Variants in IFT43 observed in about 807,000 individuals in gnomAD.
The protein encoded by IFT43 is intraflagellar transport 43.
In IFT43, 33 loss-of-function variants were observed where a neutral mutation model predicts 32.3. The observed-to-expected ratio is 1.02, with a 90% CI of 0.77 to 1.37. IFT43 has a LOEUF of 1.37. Ranked by LOEUF, IFT43 falls within the 40% of genes most tolerant of loss-of-function variation. IFT43 has a pLI of 0.00. For missense variants in IFT43, 274 were observed against 265.9 expected (o/e 1.03, Z -0.21); for synonymous variants, 93 against 98.2 (o/e 0.95, Z 0.31).
chr14:76,070,433 G>A (rs1223036721), intron 5 of IFT43, among the ~76,000 whole-genome samples: 5 of 152,186 alleles, frequency 3.3e-5, no homozygotes, highest in Non-Finnish European at 7.3e-5. Context: ...AAACCCTGAT[G>A]GCTCAACTCC....
intron 2 of IFT43, among the ~76,000 whole-genome samples, chr14:75,991,388 AGTGTGTGT>A (rs34624480): frequency 0.025 from 3,577 of 141,960 alleles, 44 homozygotes; most frequent in Non-Finnish European, 0.03. Flanking sequence ...TATTAACAAG[AGTGTGTGT>A]GTGTGTGTGT....
At chr14:75,989,065 T>G in intron 2 of IFT43, 88 bp downstream of exon 2, 1 of 1,491,760 alleles carries the variant, frequency 6.7e-7, no homozygotes, top group Non-Finnish European at 9.2e-7. Context: ...ATTCCATATT[T>G]CTTCTCTTGA....
rs963195284 is a variant in IFT43, at chr14:76,059,537, C to G, written c.295+164C>G. 4 of 697,806 alleles carry G rather than the reference C, an allele frequency of 5.7e-6. No individual in the cohort carries two copies. The African/African-American group carries it at 7.1e-5, about 12-fold the overall frequency. The allele number at this position is 697,806 out of a possible 1,614,324, so 43.2% of individuals were successfully genotyped here. A position where few individuals can be genotyped will look rare whatever the true frequency, so the allele number is the denominator to read the frequency against. ...TTCATGCCTTGCTGAATGCTGCCAC[C>G]TCTACCTGGAGTATCTCTCCCTTCT... On this transcript the variant is annotated intron_variant, in intron 5 of 8. Coordinates refer to ENST00000314067, the MANE Select transcript of IFT43 (RefSeq NM_001102564.3).
At chr14:75,999,372 C>G (rs2035840954) in intron 2 of IFT43, among the ~76,000 whole-genome samples, 1 of 147,180 alleles carries the variant, frequency 6.8e-6, no homozygotes, top group African/African-American at 2.5e-5. Context: ...AAGTGATCCT[C>G]CTACCTCGGG....
intron 2 of IFT43, among the ~76,000 whole-genome samples, chr14:76,012,154 G>C (rs2036097741): frequency 6.6e-6 from 1 of 152,190 alleles, no homozygotes; most frequent in Admixed American, 6.5e-5. Context: ...TTTTGAAACA[G>C]GTTGCAATTT....
intron 3 of IFT43, among the ~76,000 whole-genome samples, chr14:76,030,701 A>T (rs1409858554): frequency 1.3e-5 from 2 of 152,182 alleles, no homozygotes; most frequent in African/African-American, 4.8e-5. Flanking sequence ...AAGGTTCAGG[A>T]TACTGTTTTC....
intron 3 of IFT43, among the ~76,000 whole-genome samples, chr14:76,036,364 T>TGTTC (rs1247059523): frequency 6.6e-6 from 1 of 151,702 alleles, no homozygotes; most frequent in East Asian, 1.9e-4. Flanking sequence ...TTTGTTTGTT[T>TGTTC]GTTCGTTCGT....
At chr14:76,044,612 G>A (rs890327172) in intron 3 of IFT43, among the ~76,000 whole-genome samples, 8 of 152,180 alleles carry the variant, frequency 5.3e-5, no homozygotes, top group Non-Finnish European at 1.0e-4. Context: ...TCAGGGAGTA[G>A]GTTCCCCTGG....
intron 2 of IFT43, among the ~76,000 whole-genome samples, chr14:76,018,865 G>C (rs1275358032): frequency 6.6e-6 from 1 of 151,784 alleles, no homozygotes; most frequent in Non-Finnish European, 1.5e-5. Flanking sequence ...GTTCTTATTT[G>C]CAGGAATTTT....
intron 2 of IFT43, among the ~76,000 whole-genome samples, chr14:75,999,281 ATTTTTTTTTT>A (rs371670856): frequency 1.8e-4 from 7 of 39,064 alleles, no homozygotes; most frequent in African/African-American, 8.4e-4. Context: ...ATGTATATAT[ATTTTTTTTTT>A]TTTTTTTTTA....
intron 3 of IFT43, among the ~76,000 whole-genome samples, chr14:76,027,975 T>G (rs992578034): frequency 1.3e-5 from 2 of 152,144 alleles, no homozygotes; most frequent in Admixed American, 1.3e-4. Context: ...TTGACTATTT[T>G]GAGGAATCCA....
rs1202475221 is a variant in IFT43, at chr14:76,012,039, G to T, written c.148-10288G>T. On this transcript the variant is annotated intron_variant, in intron 2 of 8. Coordinates refer to ENST00000314067, the MANE Select transcript of IFT43 (RefSeq NM_001102564.3). ...TAATGTAAGATTGAATGTGGGAGCTGCATTGCCCCTAGAAGCTGGAAGATG... is the reference window on the plus strand; with the variant it reads ...TAATGTAAGATTGAATGTGGGAGCTTCATTGCCCCTAGAAGCTGGAAGATG... 5.3e-5 allele frequency among the ~76,000 whole-genome samples: 8 copies of T among 152,340 alleles called. No individual in the cohort carries two copies. In the East Asian group the frequency reaches 1.5e-3, roughly 29 times the overall value.
chr14:76,027,460 C>T (rs1041198109), intron 3 of IFT43, among the ~76,000 whole-genome samples: 2 of 152,048 alleles, frequency 1.3e-5, no homozygotes, highest in Non-Finnish European at 2.9e-5. Flanking sequence ...CAGTGGCTCA[C>T]GCACTTTGGG....
intron 5 of IFT43, among the ~76,000 whole-genome samples, chr14:76,060,994 T>G (rs2037124491): frequency 6.6e-6 from 1 of 151,634 alleles, no homozygotes; most frequent in African/African-American, 2.4e-5. Context: ...CTCCACCTCC[T>G]GGGTTTAAGT....
In IFT43 at chr14:76,039,610, C is replaced by T. The variant is rs138341356; in HGVS notation, c.215+17216C>T. Among the ~76,000 whole-genome samples the T allele has an allele frequency of 1.4e-3, 220 of 152,204 alleles. 3 individuals carry two copies. The East Asian group carries it at 0.023, about 16-fold the overall frequency. On this transcript the variant is annotated intron_variant, in intron 3 of 8. Coordinates refer to ENST00000314067, the MANE Select transcript of IFT43 (RefSeq NM_001102564.3). ...TTAGATTTTAGTCTTTGTATAACAT[C>T]GTGTCTTCTTTTGAGACATTAGAAC...
At chr14:76,003,464 A>G (rs780457078) in intron 2 of IFT43, among the ~76,000 whole-genome samples, 1 of 151,972 alleles carries the variant, frequency 6.6e-6, no homozygotes, top group Non-Finnish European at 1.5e-5. Context: ...CGTCTCTACT[A>G]AAAATACAAA....
intron 3 of IFT43, among the ~76,000 whole-genome samples, chr14:76,038,501 G>A (rs2036645914): frequency 6.6e-6 from 1 of 152,166 alleles, no homozygotes; most frequent in Non-Finnish European, 1.5e-5. Flanking sequence ...GCTCCCCAAA[G>A]TGTAATTTTT....
intron 5 of IFT43, among the ~76,000 whole-genome samples, chr14:76,062,917 C>CAAAAAAAAAAAAAAAAAAAAAAA (rs746158153): frequency 1.5e-4 from 11 of 72,474 alleles, no homozygotes; most frequent in Admixed American, 3.9e-4. Context: ...GATCCCATCT[C>CAAAAAAAAAAAAAAAAAAAAAAA]AAAAAAAAAA....
At chr14:76,022,271 TA>T in intron 2 of IFT43, 55 bp from the exon 3 acceptor site, 1 of 1,482,106 alleles carries the variant, frequency 6.7e-7, no homozygotes. Context: ...AAATAAAAAA[TA>T]AAATAAATGC....
Sources: allele counts gnomAD v4.1 joint callset (sites outside exome capture counted in the v4.1 genomes callset), GRCh38; gene constraint gnomAD v4.1.1; transcripts MANE v1.5; gene names NCBI Gene and HGNC (gene_info 2026-07-23, HGNC 2026-07-21).